The following ITPR2 variants were observed in gnomAD, a reference collection of about 807,000 sequenced individuals.
ITPR2 encodes inositol 1,4,5-trisphosphate-gated calcium channel ITPR2.
ITPR2 carries 207 observed loss-of-function variants against 317.1 expected under a neutral mutation model. That is an observed-to-expected ratio of 0.65 (90% CI 0.58 to 0.73). The LOEUF is 0.73. ITPR2 is among the 30% of genes least tolerant of loss of function. The probability of loss-of-function intolerance (pLI) is 0.00; values close to 1 mark genes in which losing one functional copy is unlikely to be tolerated. For synonymous variants in ITPR2, 1,156 were observed against 1,149.1 expected (o/e 1.01, Z -0.12); for missense variants, 2,613 against 3,284.0 (o/e 0.80, Z 4.99).
chr12:26,435,076 T>C (rs1213558975), intron 48 of ITPR2, among the ~76,000 whole-genome samples: 1 of 152,204 alleles, frequency 6.6e-6, no homozygotes. Context: ...GGGTATGCCT[T>C]CCAAAAACAG....
At chr12:26,492,269 A>G (rs1942824065) in intron 39 of ITPR2, among the ~76,000 whole-genome samples, 1 of 152,184 alleles carries the variant, frequency 6.6e-6, no homozygotes, top group Admixed American at 6.5e-5. Flanking sequence ...ACAACTTGCC[A>G]GGAATTTATA....
chr12:26,591,276 T>C, intron 32 of ITPR2, among the ~76,000 whole-genome samples: 1 of 151,920 alleles, frequency 6.6e-6, no homozygotes. Flanking sequence ...GGGCAAAAGA[T>C]CTGAATAGAT....
Position 26,711,172 on chromosome 12 carries a change from C to T in ITPR2, c.951+1G>A, listed in dbSNP as rs776325066. ...AATACCACTTTATCCATTAGTCTTACCTCTGCAGCTAAATAGTTTCCAGTT... is the reference window on the plus strand; with the variant it reads ...AATACCACTTTATCCATTAGTCTTATCTCTGCAGCTAAATAGTTTCCAGTT... On this transcript the variant is annotated splice_donor_variant, in intron 9 of 56. Coordinates refer to ENST00000381340, the MANE Select transcript of ITPR2 (RefSeq NM_002223.4). LOFTEE classifies it high-confidence loss of function. 3.1e-6 allele frequency: 5 copies of T among 1,603,978 alleles called. No homozygotes were observed. Among genetic ancestry groups the T allele is most frequent in the Non-Finnish European group, 8.5e-7 (1 of 1,170,898 alleles).
chr12:26,470,166 T>C (rs1328881222), intron 45 of ITPR2, among the ~76,000 whole-genome samples: 1 of 152,202 alleles, frequency 6.6e-6, no homozygotes, highest in Non-Finnish European at 1.5e-5. Flanking sequence ...TACAGCACCC[T>C]CCTATAATTC....
At chr12:26,798,356 C>T (rs1036637539) in intron 1 of ITPR2, among the ~76,000 whole-genome samples, 1 of 152,194 alleles carries the variant, frequency 6.6e-6, no homozygotes, top group Non-Finnish European at 1.5e-5. Context: ...TTCTCTGCTC[C>T]TGTTTTGTGA....
intron 26 of ITPR2, among the ~76,000 whole-genome samples, chr12:26,611,654 C>CA (rs1228070338): frequency 6.6e-6 from 1 of 152,078 alleles, no homozygotes; most frequent in African/African-American, 2.4e-5. Flanking sequence ...AATAGAGAAA[C>CA]AAAATCACTG....
Position 26,634,884 on chromosome 12 carries a change from CAAAAAAAAAAAAAA to C in ITPR2, c.2741-2839_2741-2826del, listed in dbSNP as rs55985706. ...CAGGCAACAGAGCAAGACTTCATCT[CAAAAAAAAAAAAAA>C]AAAAAAAAAAAGGAAGGGACTGCTT... On this transcript the variant is annotated intron_variant, in intron 21 of 56. Coordinates refer to ENST00000381340, the MANE Select transcript of ITPR2 (RefSeq NM_002223.4). Among the ~76,000 whole-genome samples, 185 of 58,572 alleles carry C rather than the reference CAAAAAAAAAAAAAA, an allele frequency of 3.2e-3. 1 individual carries two copies. Among genetic ancestry groups the C allele is most frequent in the African/African-American group, 0.012 (174 of 15,070 alleles). 38.4% of individuals were successfully genotyped at this position (58,572 alleles called of 152,430 possible).
At chr12:26,386,358 A>G (rs1403913888) in intron 55 of ITPR2, among the ~76,000 whole-genome samples, 1 of 152,234 alleles carries the variant, frequency 6.6e-6, no homozygotes, top group Admixed American at 6.5e-5. Context: ...ATAACAAAGC[A>G]TGAAAAATGC....
chr12:26,707,651 T>C (rs988945990), intron 9 of ITPR2, among the ~76,000 whole-genome samples: 2 of 152,138 alleles, frequency 1.3e-5, no homozygotes, highest in Non-Finnish European at 2.9e-5. Context: ...CTCCCACATC[T>C]GCCTCCCAAG....
chr12:26,632,294 T>C (rs1412339522), intron 21 of ITPR2, among the ~76,000 whole-genome samples: 1 of 152,196 alleles, frequency 6.6e-6, no homozygotes, highest in East Asian at 1.9e-4. Flanking sequence ...GAAAATGCTT[T>C]CAAATCATGT....
At chr12:26,544,861 T>C (rs1944354106) in intron 37 of ITPR2, among the ~76,000 whole-genome samples, 1 of 152,148 alleles carries the variant, frequency 6.6e-6, no homozygotes, top group African/African-American at 2.4e-5. Context: ...GGGTAACCTA[T>C]GTGACTTAAC....
chr12:26,716,379 A>T, intron 5 of ITPR2, 137 bp from the exon 6 acceptor site: 1 of 590,192 alleles, frequency 1.7e-6, no homozygotes, highest in East Asian at 2.8e-5. Flanking sequence ...AAATTTTCAT[A>T]CAATCCTTTT....
chr12:26,708,988 C>T (rs1948602782), intron 9 of ITPR2, among the ~76,000 whole-genome samples: 4 of 152,186 alleles, frequency 2.6e-5, no homozygotes. Flanking sequence ...TTCTCAACTG[C>T]TGTCAGAGGC....
chr12:26,426,114 A>T (rs1275443287), intron 49 of ITPR2, among the ~76,000 whole-genome samples: 1 of 152,174 alleles, frequency 6.6e-6, no homozygotes, highest in Non-Finnish European at 1.5e-5. Context: ...AGTGTCTATT[A>T]TATAACAGAG....
Position 26,656,383 on chromosome 12 carries a change from G to T in ITPR2, c.2358C>A (p.His786Gln). ...ASFCRLMLHM[H>Q]VDRDPQESVV... ...CGGACTCCTGGGGATCCCGGTCAAC[G>T]TGCATGTGGAGCATGAGGCGACAGA... The change falls in exon 19 of 57, where the codon CAC (histidine) becomes CAA (glutamine). Residue 786 changes from histidine (H) to glutamine (Q), a missense_variant. Physicochemically the swap from His to Gln is conservative, Grantham distance 24. Coordinates refer to ENST00000381340, the MANE Select transcript of ITPR2 (RefSeq NM_002223.4). 6.2e-7 allele frequency: 1 copy of T among 1,613,942 alleles called. No individual in the cohort carries two copies. Among genetic ancestry groups the T allele is most frequent in the Non-Finnish European group, 8.5e-7 (1 of 1,179,994 alleles).
chr12:26,393,741 A>G (rs1240780419), intron 54 of ITPR2, among the ~76,000 whole-genome samples: 2 of 152,198 alleles, frequency 1.3e-5, no homozygotes, highest in Non-Finnish European at 2.9e-5. Flanking sequence ...TTGATCTTAC[A>G]TCTCTTTGTG....
rs75918117 is a variant in ITPR2 at position 26,613,249 on chromosome 12, T to C, written c.3462+7874A>G. On this transcript the variant is annotated intron_variant, in intron 26 of 56. Transcript: ENST00000381340. ...CATGACAGTTCATTAAGTGTGACCA[T>C]TCATGTTGCCCCAAACCCAGCATAG... Among the ~76,000 whole-genome samples the C allele has an allele frequency of 2.7e-4, 41 of 152,266 alleles. 1 individual carries two copies. In the East Asian group the frequency reaches 7.9e-3, roughly 29 times the overall value.
At chr12:26,650,648 T>C (rs925516312) in intron 21 of ITPR2, among the ~76,000 whole-genome samples, 13 of 152,230 alleles carry the variant, frequency 8.5e-5, no homozygotes, top group Non-Finnish European at 1.8e-4. Context: ...GGTGAAACAC[T>C]GAAGGCAGAT....
chr12:26,429,650 C>T (rs1941153286), intron 48 of ITPR2, among the ~76,000 whole-genome samples: 1 of 152,196 alleles, frequency 6.6e-6, no homozygotes, highest in African/African-American at 2.4e-5. Flanking sequence ...CATCTCTAGA[C>T]CTATCGCCAT....
Sources: gnomAD v4.1 joint callset for allele counts (sites outside exome capture counted in the v4.1 genomes callset) on GRCh38, gnomAD v4.1.1 for gene constraint, MANE v1.5 for transcripts, NCBI Gene and HGNC (gene_info 2026-07-23, HGNC 2026-07-21) for gene names.